DYNC1LI1: variants seen among roughly 807,000 people sequenced by gnomAD.
DYNC1LI1 encodes cytoplasmic dynein 1 light intermediate chain 1.
A neutral mutation model predicts 63.8 loss-of-function variants in DYNC1LI1; 19 were observed. The ratio of observed to expected loss-of-function variants is 0.30; its 90% CI spans 0.21 to 0.44. DYNC1LI1 has a LOEUF of 0.44. Ranked by LOEUF, DYNC1LI1 falls within the 20% of genes least tolerant of loss-of-function variation. The probability of loss-of-function intolerance (pLI) is 1.00; values close to 1 mark genes in which losing one functional copy is unlikely to be tolerated. For synonymous variants in DYNC1LI1, 225 were observed against 232.3 expected (o/e 0.97, Z 0.28); for missense variants, 565 against 630.2 (o/e 0.90, Z 1.11).
intron 3 of DYNC1LI1, chr3:32,545,364 A>G (rs942004522): frequency 8.1e-6 from 4 of 496,102 alleles, no homozygotes; most frequent in South Asian, 5.2e-5. Flanking sequence ...CCTCTACTTC[A>G]TATTTCTTAA....
rs1479535496 is a variant in DYNC1LI1 at position 32,544,907 on chromosome 3, A to T, written c.537T>A (p.Pro179=). ...VREHVDKLKI[P]PEEMKQMEQK... ...GTTCCATTTGTTTCATTTCTTCAGGAGGGATTTTCAGTTTGTCAACATGTT... is the reference window on the plus strand; with the variant it reads ...GTTCCATTTGTTTCATTTCTTCAGGTGGGATTTTCAGTTTGTCAACATGTT... The change falls in exon 4 of 13, where the codon CCT becomes CCA. Residue 179 remains proline, a synonymous_variant. Transcript: ENST00000273130. The T allele has an allele frequency of 6.2e-7, 1 of 1,613,386 alleles. No individual in the cohort carries two copies. The highest frequency in any genetic ancestry group is 2.2e-5 in the East Asian group (1 of 44,872).
chr3:32,528,530 C>G lies in DYNC1LI1; in HGVS notation c.1378G>C (p.Gly460Arg). Residue 460 changes from glycine (G) to arginine (R), a missense_variant, in exon 12 of 13, where the codon GGA (glycine) becomes CGA (arginine). By Grantham distance (125) the Gly-to-Arg change is moderately radical. Coordinates refer to ENST00000273130, the MANE Select transcript of DYNC1LI1 (RefSeq NM_016141.4). ...SLLSKKTGSP[G>R]GPGVSGGSPA... ...CTACCACCACTCACACCAGGGCCTC[C>G]TGGAGAGCCAGTCTTTTTACTCAAC... The G allele has an allele frequency of 1.2e-6, 2 of 1,614,030 alleles. No individual in the cohort carries two copies. Among genetic ancestry groups the G allele is most frequent in the Non-Finnish European group, 1.7e-6 (2 of 1,179,934 alleles).
At chr3:32,548,117 T>C (rs896240589) in intron 2 of DYNC1LI1, among the ~76,000 whole-genome samples, 1 of 151,994 alleles carries the variant, frequency 6.6e-6, no homozygotes, top group Non-Finnish European at 1.5e-5. Flanking sequence ...GGAAGGTTCA[T>C]CATTATGTTA....
intron 2 of DYNC1LI1, among the ~76,000 whole-genome samples, chr3:32,553,694 C>T (rs998823661): frequency 5.3e-5 from 8 of 152,200 alleles, no homozygotes; most frequent in African/African-American, 1.9e-4. Flanking sequence ...GAGTGCCTAC[C>T]TGCAAGAGTA....
In DYNC1LI1 at chr3:32,542,581, T is replaced by A. The variant is rs902859937; in HGVS notation, c.569-1375A>T. On this transcript the variant is annotated intron_variant, in intron 4 of 12. Transcript: ENST00000273130. ...CACCACCACGCCTGGCTAATTTTTGTATTTTTAGAAAAGACGGGGTTTCAT... is the reference window on the plus strand; with the variant it reads ...CACCACCACGCCTGGCTAATTTTTGAATTTTTAGAAAAGACGGGGTTTCAT... Among the ~76,000 whole-genome samples the A allele has an allele frequency of 2.6e-5, 4 of 152,220 alleles. No homozygotes were observed. In the East Asian group the frequency reaches 7.7e-4, roughly 29 times the overall value.
At chr3:32,545,809 A>C in intron 3 of DYNC1LI1, 40 bp downstream of exon 3, 1 of 1,440,792 alleles carries the variant, frequency 6.9e-7, no homozygotes. Flanking sequence ...AGTGCACCTC[A>C]AAATAGACTT....
intron 2 of DYNC1LI1, among the ~76,000 whole-genome samples, chr3:32,552,480 T>C (rs1698056200): frequency 6.6e-6 from 1 of 152,060 alleles, no homozygotes; most frequent in African/African-American, 2.4e-5. Context: ...CCCCATCTCA[T>C]TTAGAATTAC....
chr3:32,540,379 T>C (rs1697864143), intron 5 of DYNC1LI1, among the ~76,000 whole-genome samples: 1 of 151,894 alleles, frequency 6.6e-6, no homozygotes, highest in South Asian at 2.1e-4. Context: ...TTAGAGAATA[T>C]ATAAAAATTT....
At chr3:32,569,864 C>T (rs1293102397) in intron 2 of DYNC1LI1, among the ~76,000 whole-genome samples, 1 of 152,168 alleles carries the variant, frequency 6.6e-6, no homozygotes, top group African/African-American at 2.4e-5. Flanking sequence ...GCACATTGTA[C>T]CAGAGAACGC....
chr3:32,553,481 A>G (rs183499502), intron 2 of DYNC1LI1, among the ~76,000 whole-genome samples: 1 of 152,346 alleles, frequency 6.6e-6, no homozygotes, highest in Non-Finnish European at 1.5e-5. Flanking sequence ...TTTTAAAACT[A>G]TATTGTATAT....
At chr3:32,537,951 T>TTA (rs1205638276) in intron 5 of DYNC1LI1, among the ~76,000 whole-genome samples, 3 of 4,422 alleles carry the variant, frequency 6.8e-4, no homozygotes, top group South Asian at 8.1e-3. Flanking sequence ...TATATATAAT[T>TTA]TATATATATA....
intron 2 of DYNC1LI1, among the ~76,000 whole-genome samples, chr3:32,565,453 A>G (rs950142417): frequency 2.0e-5 from 3 of 152,238 alleles, no homozygotes; most frequent in Admixed American, 6.5e-5. Context: ...ATTAATCTAA[A>G]TAAGTGTTAT....
intron 2 of DYNC1LI1, among the ~76,000 whole-genome samples, chr3:32,564,090 C>T (rs1698227973): frequency 6.6e-6 from 1 of 152,166 alleles, no homozygotes; most frequent in African/African-American, 2.4e-5. Context: ...CACTTTAGCC[C>T]AGGAGTTGGG....
rs79137679 is a variant in DYNC1LI1, at chr3:32,530,139, T to C, written c.1185+145A>G. ...ATGTTACAAATAGATCTTTACACTTTTAAAATCTCACAAATTACAGAAGAA... is the reference window on the plus strand; with the variant it reads ...ATGTTACAAATAGATCTTTACACTTCTAAAATCTCACAAATTACAGAAGAA... On this transcript the variant is annotated intron_variant, in intron 10 of 12. Transcript: ENST00000273130. The C allele has an allele frequency of 2.7e-3, 1,984 of 728,352 alleles. 39 individuals are homozygous for C. The African/African-American group carries it at 0.032, about 12-fold the overall frequency. 45.1% of individuals were successfully genotyped at this position (728,352 alleles called of 1,614,324 possible).
At chr3:32,528,690 A>G in intron 11 of DYNC1LI1, 89 bp from the exon 12 acceptor site, 1 of 1,266,680 alleles carries the variant, frequency 7.9e-7, no homozygotes, top group South Asian at 1.7e-5. Context: ...ATAGAAAATG[A>G]ATAAACTTAA....
At chr3:32,564,118 T>C (rs548137567) in intron 2 of DYNC1LI1, among the ~76,000 whole-genome samples, 1 of 152,286 alleles carries the variant, frequency 6.6e-6, no homozygotes, top group South Asian at 2.1e-4. Flanking sequence ...CTGGGCAACA[T>C]AGTAAATCCC....
intron 2 of DYNC1LI1, among the ~76,000 whole-genome samples, chr3:32,547,065 A>T (rs1697965417): frequency 1.3e-5 from 2 of 152,140 alleles, no homozygotes; most frequent in Admixed American, 6.5e-5. Context: ...AGCATGGTGA[A>T]ACCCCATCTC....
Position 32,537,937 on chromosome 3 carries a change from A to AATTTATATATATAAT in DYNC1LI1, c.739-834_739-833insATTATATATATAAAT, listed in dbSNP as rs1553617875. On this transcript the variant is annotated intron_variant, in intron 5 of 12. Coordinates refer to ENST00000273130, the MANE Select transcript of DYNC1LI1 (RefSeq NM_016141.4). ...TAATTTATATATATAATATATATAT[A>AATTTATATATATAAT]ATATATATATAATTTATATATATAA... 2.2e-3 allele frequency among the ~76,000 whole-genome samples: 30 copies of AATTTATATATATAAT among 13,886 alleles called. 5 individuals are homozygous for AATTTATATATATAAT. Among genetic ancestry groups the AATTTATATATATAAT allele is most frequent in the African/African-American group, 7.3e-3 (21 of 2,872 alleles). The allele number at this position is 13,886 out of a possible 152,430, so 9.1% of individuals were successfully genotyped here.
chr3:32,558,297 A>G lies in DYNC1LI1; in HGVS notation c.220+12049T>C, dbSNP rs1698142568. On this transcript the variant is annotated intron_variant, in intron 2 of 12. Coordinates refer to ENST00000273130, the MANE Select transcript of DYNC1LI1 (RefSeq NM_016141.4). ...TTTCATGTCTACATGCAGGTGCTAG[A>G]CAACTTCTTCTGTAAAGGACTAGAC... 1.3e-5 allele frequency among the ~76,000 whole-genome samples: 2 copies of G among 151,980 alleles called. 1 individual carries two copies. The highest frequency in any genetic ancestry group is 4.1e-4 in the South Asian group (2 of 4,820).
Sources: allele counts gnomAD v4.1 joint callset (sites outside exome capture counted in the v4.1 genomes callset), GRCh38; gene constraint gnomAD v4.1.1; transcripts MANE v1.5; gene names NCBI Gene and HGNC (gene_info 2026-07-23, HGNC 2026-07-21).